Variants in PFKFB3 observed in about 807,000 individuals in gnomAD.
The protein encoded by PFKFB3 is 6-phosphofructo-2-kinase/fructose-2,6-biphosphatase 3.
A neutral mutation model predicts 68.0 loss-of-function variants in PFKFB3; 33 were observed. The ratio of observed to expected loss-of-function variants is 0.49; its 90% CI spans 0.37 to 0.65. The LOEUF (loss-of-function observed/expected upper bound fraction) is 0.65, where lower values mean the gene tolerates loss of function less well. Ranked by LOEUF, PFKFB3 falls within the 30% of genes least tolerant of loss-of-function variation. The pLI, the probability that PFKFB3 is intolerant of heterozygous loss-of-function variation, is 0.00. For missense variants in PFKFB3, 586 were observed against 712.2 expected (o/e 0.82, Z 2.02); for synonymous variants, 315 against 288.2 (o/e 1.09, Z -0.94).
intron 1 of PFKFB3, among the ~76,000 whole-genome samples, chr10:6,210,346 G>GTTTTT (rs1225843582): frequency 6.1e-5 from 2 of 32,790 alleles, no homozygotes; most frequent in Non-Finnish European, 1.7e-4. Context: ...GTTTTTTTTT[G>GTTTTT]TTTTTTTTTG....
Position 6,233,030 on chromosome 10 carries a change from C to T in PFKFB3, c.*88C>T. On this transcript the variant is annotated 3_prime_UTR_variant, in exon 15 of 15. Coordinates refer to ENST00000379775, the MANE Select transcript of PFKFB3 (RefSeq NM_004566.4). ...CCCGAGGCAAAACGTATCCTGAGGA[C>T]TTCTTCCGGAGAGGGTGGGGTGGAG... 9.6e-7 allele frequency: 1 copy of T among 1,037,640 alleles called. No individual in the cohort carries two copies. The highest frequency in any genetic ancestry group is 1.5e-6 in the Non-Finnish European group (1 of 657,978). 64.3% of individuals were successfully genotyped at this position (1,037,640 alleles called of 1,614,324 possible).
Position 6,222,980 on chromosome 10 carries a change from T to C in PFKFB3, c.1209T>C (p.Ser403=), listed in dbSNP as rs1845073005. Residue 403 remains serine (S), a synonymous_variant, in exon 11 of 15, where the codon AGT becomes AGC. Transcript: ENST00000379775. ...TGCTTGCCTACTTCCTGGATAAGAGTGCAGGTACCTCGGGCAGGTCGTGGC... is the reference window on the plus strand; with the variant it reads ...TGCTTGCCTACTTCCTGGATAAGAGCGCAGGTACCTCGGGCAGGTCGTGGC... ...RCLLAYFLDK[S]AEEMPYLKCP... is the part of the protein sequence containing the mutation. 1 of 1,612,840 alleles carries C rather than the reference T, an allele frequency of 6.2e-7. No homozygotes were observed. Among genetic ancestry groups the C allele is most frequent in the Non-Finnish European group, 8.5e-7 (1 of 1,179,272 alleles).
At position 6,221,391 on chromosome 10, in the gene PFKFB3, C is replaced by T; in HGVS notation, c.842C>T (p.Ala281Val). The T allele has an allele frequency of 6.8e-6, 11 of 1,613,898 alleles. No homozygotes were observed. Among genetic ancestry groups the T allele is most frequent in the Non-Finnish European group, 8.5e-6 (10 of 1,179,988 alleles). The change falls in exon 9 of 15, where the codon GCT (alanine) becomes GTT (valine). Residue 281 changes from alanine to valine, a missense_variant. Physicochemically the swap from Ala to Val is moderately conservative, Grantham distance 64. Transcript: ENST00000379775. ...TCCACCACCTCTCAGTTTGCCAGTG[C>T]TCTGAGCAAGTTCGTGGAGGAGCAG... is the stretch of plus-strand genomic sequence containing the variant. ...LSSRGKKFAS[A>V]LSKFVEEQNL...
At chr10:6,304,919 C>G in the PFKFB3 span, among the ~76,000 whole-genome samples, 1 of 143,182 alleles carries the variant, frequency 7.0e-6, no homozygotes, top group Non-Finnish European at 1.5e-5. Context: ...TGAGCTCAAG[C>G]TATCCTCCTG....
At chr10:6,176,282 G>A (rs149972775) in intron 1 of PFKFB3, among the ~76,000 whole-genome samples, 440 of 152,302 alleles carry the variant, frequency 2.9e-3, no homozygotes, top group Non-Finnish European at 4.3e-3. Context: ...TTCCCTTGAG[G>A]TGGTGATGGG....
At chr10:6,326,495 C>T in the PFKFB3 span, 51 of 452,154 alleles carry the variant, frequency 1.1e-4, no homozygotes, top group East Asian at 3.1e-3. Flanking sequence ...CAAGCACTTA[C>T]TAAAAACTGC....
downstream of PFKFB3, among the ~76,000 whole-genome samples, chr10:6,238,416 T>C (rs1846068145): frequency 7.1e-6 from 1 of 140,834 alleles, no homozygotes; most frequent in African/African-American, 2.7e-5. Flanking sequence ...CTACCTGCCT[T>C]GGCCTCCCAA....
At chr10:6,208,011 G>C (rs926503085) in intron 1 of PFKFB3, among the ~76,000 whole-genome samples, 3 of 152,254 alleles carry the variant, frequency 2.0e-5, no homozygotes, top group Middle Eastern at 6.8e-3. Context: ...AGCAAAGGAG[G>C]GGGTATTAGT....
In PFKFB3 at chr10:6,185,837, G is replaced by A. The variant is rs540588159; in HGVS notation, c.17-27786G>A. Reference sequence around the variant, plus strand: ...GTATTTTTAGTTGAGACAGGGTTTCGCCATGTTGGCCAGGCTGGTCTTGAA... The same window carrying A: ...GTATTTTTAGTTGAGACAGGGTTTCACCATGTTGGCCAGGCTGGTCTTGAA... On this transcript the variant is annotated intron_variant, in intron 1 of 14. Transcript: ENST00000379789. Among the ~76,000 whole-genome samples, 12 of 151,942 alleles carry A rather than the reference G, an allele frequency of 7.9e-5. No individual in the cohort carries two copies. In the South Asian group the frequency reaches 2.3e-3, roughly 29 times the overall value.
chr10:6,307,385 G>C, the PFKFB3 span, among the ~76,000 whole-genome samples: 1 of 151,460 alleles, frequency 6.6e-6, no homozygotes, highest in Admixed American at 6.6e-5. Context: ...TACTGGTTCT[G>C]TTTCTCTGGA....
the PFKFB3 span, among the ~76,000 whole-genome samples, chr10:6,274,024 G>A: frequency 2.0e-5 from 3 of 151,988 alleles, no homozygotes; most frequent in Non-Finnish European, 2.9e-5. Flanking sequence ...TGGGCAGCAT[G>A]GGGAGACCTG....
rs1564599895 is a variant in PFKFB3 at position 6,177,442 on chromosome 10, T to TCTC, written c.16+32429_16+32430insCTC. On this transcript the variant is annotated intron_variant, in intron 1 of 14. Transcript: ENST00000379789. Reference sequence around the variant, plus strand: ...CTTTCTTCCTTTCTTTTCTTTCTCTTTCTTTCTTTCTTTCTTTCTTTCTTT... The same window carrying TCTC: ...CTTTCTTCCTTTCTTTTCTTTCTCTTCTCTCTTTCTTTCTTTCTTTCTTTCTTT... Among the ~76,000 whole-genome samples the TCTC allele has an allele frequency of 9.2e-4, 99 of 108,092 alleles. No homozygotes were observed. The Middle Eastern group carries it at 0.017, about 19-fold the overall frequency. The allele number at this position is 108,092 out of a possible 152,430, so 70.9% of individuals were successfully genotyped here.
At chr10:6,283,922 T>G in the PFKFB3 span, among the ~76,000 whole-genome samples, 1 of 152,070 alleles carries the variant, frequency 6.6e-6, no homozygotes, top group East Asian at 1.9e-4. Context: ...CATCGCAAGA[T>G]CCAATCACAT....
intron 1 of PFKFB3, among the ~76,000 whole-genome samples, chr10:6,194,682 T>G (rs76454013): frequency 0.014 from 2,159 of 152,256 alleles, 53 homozygotes; most frequent in African/African-American, 0.05. Flanking sequence ...ATCCCAGGAC[T>G]CTTCAACAGG....
At chr10:6,263,072 G>A in the PFKFB3 span, among the ~76,000 whole-genome samples, 1 of 152,202 alleles carries the variant, frequency 6.6e-6, no homozygotes, top group Admixed American at 6.5e-5. Context: ...GGGAAATTAG[G>A]GGTCTCATAG....
downstream of PFKFB3, among the ~76,000 whole-genome samples, chr10:6,239,456 G>A (rs564783562): frequency 3.4e-4 from 52 of 152,282 alleles, no homozygotes; most frequent in South Asian, 0.011. Flanking sequence ...GAGTTGAGTC[G>A]CATATTAATT....
the PFKFB3 span, among the ~76,000 whole-genome samples, chr10:6,321,820 A>C: frequency 0.036 from 5,466 of 152,252 alleles, 330 homozygotes; most frequent in African/African-American, 0.12. Context: ...TCTGCAGTGC[A>C]ACCCTGTAGG....
intron 1 of PFKFB3, among the ~76,000 whole-genome samples, chr10:6,156,421 G>A (rs1251918023): frequency 4.6e-5 from 7 of 151,918 alleles, no homozygotes; most frequent in African/African-American, 1.7e-4. Context: ...CTCCCAAAGT[G>A]CTGGGATTAT....
At chr10:6,212,893 CCT>C (rs1019927098) in intron 1 of PFKFB3, among the ~76,000 whole-genome samples, 1 of 152,060 alleles carries the variant, frequency 6.6e-6, no homozygotes, top group Admixed American at 6.5e-5. Context: ...TGATGGTGGG[CCT>C]CTCTGTCTCT....
Sources: gnomAD v4.1 joint callset for allele counts (sites outside exome capture counted in the v4.1 genomes callset) on GRCh38, gnomAD v4.1.1 for gene constraint, MANE v1.5 for transcripts, NCBI Gene and HGNC (gene_info 2026-07-23, HGNC 2026-07-21) for gene names.